The following MCPH1 variants were observed in gnomAD, a reference collection of about 807,000 sequenced individuals.
MCPH1 encodes the protein microcephalin 1.
Under a neutral mutation model 84.5 loss-of-function variants are expected in MCPH1, and 104 were observed. The ratio of observed to expected loss-of-function variants is 1.23; its 90% confidence interval spans 1.05 to 1.45. The LOEUF (loss-of-function observed/expected upper bound fraction) is 1.45. Among genes scored for constraint, MCPH1 ranks in the 40% most tolerant of loss-of-function variants. MCPH1 has a pLI of 0.00. For synonymous variants in MCPH1, 514 were observed against 366.8 expected (o/e 1.40, Z -4.58); for missense variants, 1,498 against 1,005.7 (o/e 1.49, Z -6.62).
At chr8:6,522,592 G>A (rs1303366279) in intron 12 of MCPH1, among the ~76,000 whole-genome samples, 2 of 151,856 alleles carry the variant, frequency 1.3e-5, no homozygotes, top group African/African-American at 4.8e-5. Flanking sequence ...TGGCCAACAT[G>A]GTGAAACCCT....
chr8:6,503,892 A>G (rs1055604112), intron 12 of MCPH1, among the ~76,000 whole-genome samples: 10 of 152,332 alleles, frequency 6.6e-5, no homozygotes, highest in African/African-American at 1.9e-4. Context: ...TTGGCCAAAA[A>G]CAGGAGCATG....
At chr8:6,641,970 T>C (rs532686220) in intron 13 of MCPH1, among the ~76,000 whole-genome samples, 2 of 152,328 alleles carry the variant, frequency 1.3e-5, no homozygotes, top group African/African-American at 2.4e-5. Context: ...CACATTTGTA[T>C]TGAGAAGACA....
Position 6,431,552 on chromosome 8 carries a change from T to G in MCPH1, c.287T>G (p.Met96Arg). 1 of 1,613,388 alleles carries G rather than the reference T, an allele frequency of 6.2e-7. No individual in the cohort carries two copies. The highest frequency in any genetic ancestry group is 8.5e-7 in the Non-Finnish European group (1 of 1,179,518). Residue 96 changes from methionine to arginine, a missense_variant, in exon 4 of 14, where the codon ATG becomes AGG. Met to Arg is a moderately conservative substitution (Grantham distance 91, BLOSUM62 -1). Coordinates refer to ENST00000344683, the MANE Select transcript of MCPH1 (RefSeq NM_024596.5). ...IDESLFPAAN[M>R]NEHLSSLIKK... is the part of the protein sequence containing the mutation. Reference sequence around the variant, plus strand: ...GAATCATTGTTCCCTGCAGCTAATATGAATGAACACTTATCAAGCCTAATT... The same window carrying G: ...GAATCATTGTTCCCTGCAGCTAATAGGAATGAACACTTATCAAGCCTAATT...
intron 12 of MCPH1, among the ~76,000 whole-genome samples, chr8:6,602,913 A>G (rs1006170159): frequency 1.3e-5 from 2 of 152,040 alleles, no homozygotes; most frequent in Admixed American, 6.6e-5. Context: ...GAAAATATAT[A>G]TATATGTATA....
chr8:6,468,809 A>C (rs1442348454), intron 9 of MCPH1, among the ~76,000 whole-genome samples: 1 of 152,168 alleles, frequency 6.6e-6, no homozygotes, highest in East Asian at 1.9e-4. Flanking sequence ...CTGAATATTA[A>C]AAGTCTGTGA....
intron 12 of MCPH1, among the ~76,000 whole-genome samples, chr8:6,565,532 T>A (rs1826078805): frequency 6.6e-6 from 1 of 152,188 alleles, no homozygotes; most frequent in Non-Finnish European, 1.5e-5. Flanking sequence ...AGTGCTGGGA[T>A]CACAGGTGTG....
chr8:6,433,464 C>G (rs915184865), intron 4 of MCPH1, among the ~76,000 whole-genome samples: 1 of 151,852 alleles, frequency 6.6e-6, no homozygotes, highest in East Asian at 1.9e-4. Flanking sequence ...GAAACCCCAT[C>G]TCTACTAAAA....
At chr8:6,539,364 T>G (rs1047328413) in intron 12 of MCPH1, among the ~76,000 whole-genome samples, 1 of 152,152 alleles carries the variant, frequency 6.6e-6, no homozygotes, top group African/African-American at 2.4e-5. Context: ...TTTCTTCACG[T>G]TCAGTGTAAG....
intron 12 of MCPH1, among the ~76,000 whole-genome samples, chr8:6,558,037 C>T (rs1209967423): frequency 6.6e-6 from 1 of 152,196 alleles, no homozygotes; most frequent in African/African-American, 2.4e-5. Flanking sequence ...TGCCCCCACA[C>T]GCACCTTTAG....
At chr8:6,516,269 A>G (rs770135906) in intron 12 of MCPH1, among the ~76,000 whole-genome samples, 7 of 152,166 alleles carry the variant, frequency 4.6e-5, no homozygotes, top group Non-Finnish European at 8.8e-5. Flanking sequence ...TCATCCAAGT[A>G]CTCTGCCAGA....
At chr8:6,421,738 T>G (rs1464596281) in intron 3 of MCPH1, among the ~76,000 whole-genome samples, 1 of 152,170 alleles carries the variant, frequency 6.6e-6, no homozygotes, top group African/African-American at 2.4e-5. Context: ...GCCTAAGGCA[T>G]TCACTACTTT....
chr8:6,558,219 A>T (rs1053610766), intron 12 of MCPH1, among the ~76,000 whole-genome samples: 1 of 152,202 alleles, frequency 6.6e-6, no homozygotes, highest in African/African-American at 2.4e-5. Context: ...CATTTTAAAT[A>T]AAGGGCTGGT....
chr8:6,544,834 G>C (rs1822262128), intron 12 of MCPH1, among the ~76,000 whole-genome samples: 1 of 152,176 alleles, frequency 6.6e-6, no homozygotes, highest in South Asian at 2.1e-4. Context: ...ACATCAGGAA[G>C]ACTCGAAATA....
chr8:6,411,367 A>C (rs1213188366), intron 2 of MCPH1, among the ~76,000 whole-genome samples: 4 of 152,192 alleles, frequency 2.6e-5, no homozygotes, highest in Non-Finnish European at 4.4e-5. Flanking sequence ...TAAATAAATA[A>C]ATAACAAAAA....
intron 12 of MCPH1, among the ~76,000 whole-genome samples, chr8:6,547,130 A>G (rs1287364795): frequency 2.6e-5 from 4 of 151,794 alleles, no homozygotes; most frequent in Admixed American, 6.6e-5. Context: ...CATGTGGCCT[A>G]TTTCTGCTTG....
chr8:6,423,279 C>T (rs1402509477), intron 3 of MCPH1, among the ~76,000 whole-genome samples: 4 of 148,174 alleles, frequency 2.7e-5, no homozygotes, highest in Non-Finnish European at 5.9e-5. Context: ...ATTCTCCTGC[C>T]TCAGCCTCCT....
intron 13 of MCPH1, among the ~76,000 whole-genome samples, chr8:6,629,623 G>C (rs1401560716): frequency 1.3e-5 from 2 of 152,154 alleles, no homozygotes; most frequent in African/African-American, 4.8e-5. Context: ...CCTTGGTCTT[G>C]GACTTCCTGC....
intron 12 of MCPH1, among the ~76,000 whole-genome samples, chr8:6,608,188 G>A (rs2129578901): frequency 1.3e-5 from 2 of 152,292 alleles, no homozygotes; most frequent in Admixed American, 1.3e-4. Flanking sequence ...GGCCTGCCCG[G>A]ACCCTGATGA....
At chr8:6,624,464 T>A (rs1391510238) in intron 13 of MCPH1, among the ~76,000 whole-genome samples, 1 of 152,210 alleles carries the variant, frequency 6.6e-6, no homozygotes, top group Admixed American at 6.5e-5. Context: ...AGTAGACCTC[T>A]CCAGTGTACC....
Sources: gnomAD v4.1 joint callset for allele counts (sites outside exome capture counted in the v4.1 genomes callset) on GRCh38, gnomAD v4.1.1 for gene constraint, MANE v1.5 for transcripts, NCBI Gene and HGNC (gene_info 2026-07-23, HGNC 2026-07-21) for gene names.